The following ZNF280A variants were observed in gnomAD, a reference collection of about 807,000 sequenced individuals.
ZNF280A encodes suppressor of hairy wing homolog 1.
In ZNF280A, 26 loss-of-function variants were observed where a neutral mutation model predicts 35.9. The ratio of observed to expected loss-of-function variants is 0.72; its 90% CI spans 0.53 to 1.01. ZNF280A has a LOEUF of 1.01. ZNF280A is among the 50% of genes least tolerant of loss of function. The probability of loss-of-function intolerance (pLI) is 0.00; values close to 1 mark genes in which losing one functional copy is unlikely to be tolerated. For missense variants in ZNF280A, 654 were observed against 652.0 expected, an observed-to-expected ratio of 1.00 and a Z score of -0.03; for synonymous variants, 231 against 232.9, an observed-to-expected ratio of 0.99 and a Z score of 0.07.
In ZNF280A at chr22:22,515,043, G is replaced by T. The variant is rs1430938368; in HGVS notation, c.588C>A (p.Val196=). ...GIPGVPSLAV[V]PSDMSSTIST... ...TTATTGTAGAAGACATATCTGAAGG[G>T]ACCACAGCTAAAGAAGGTACCCCTG... Residue 196 remains valine, a synonymous_variant, in exon 2 of 2, where the codon GTC becomes GTA. Coordinates refer to ENST00000302097, the MANE Select transcript of ZNF280A (RefSeq NM_080740.5). 8 of 1,613,894 alleles carry T rather than the reference G, an allele frequency of 5.0e-6. No individual in the cohort carries two copies. Among genetic ancestry groups the T allele is most frequent in the Non-Finnish European group, 6.8e-6 (8 of 1,179,962 alleles).
In ZNF280A at chr22:22,515,106, G is replaced by C. The variant is rs756827621; in HGVS notation, c.525C>G (p.Ser175Arg). The change falls in exon 2 of 2, where the codon AGC becomes AGG. Residue 175 changes from serine to arginine, a missense_variant. Coordinates refer to ENST00000302097, the MANE Select transcript of ZNF280A (RefSeq NM_080740.5). ...TGAGTTTAACCCTTTTGGAATCTCT[G>C]CTGTTTATATCTGAAGTGGAAAGTC... ...SKRLSTSDIN[S>R]RDSKRVKLRD... The C allele has an allele frequency of 2.5e-6, 4 of 1,613,890 alleles. No individual in the cohort carries two copies. Among genetic ancestry groups the C allele is most frequent in the Non-Finnish European group, 2.5e-6 (3 of 1,179,982 alleles).
chr22:22,516,203 C>T (rs900984164), intron 1 of ZNF280A, among the ~76,000 whole-genome samples: 2 of 151,676 alleles, frequency 1.3e-5, no homozygotes, highest in Non-Finnish European at 2.9e-5. Flanking sequence ...AACACTTGAG[C>T]CCAGGACTTC....
In ZNF280A at chr22:22,514,751, T is replaced by A. The variant is rs770122812; in HGVS notation, c.880A>T (p.Thr294Ser). 3 of 1,613,786 alleles carry A rather than the reference T, an allele frequency of 1.9e-6. No individual in the cohort carries two copies. The highest frequency in any genetic ancestry group is 2.5e-6 in the Non-Finnish European group (3 of 1,179,982). ...CTGAGGCATTTAAAGGTGGTGTGAGTCTTCTGTTCCGGCTGCCCATCTCCT... is the reference window on the plus strand; with the variant it reads ...CTGAGGCATTTAAAGGTGGTGTGAGACTTCTGTTCCGGCTGCCCATCTCCT... Reference protein sequence around the residue: ...HKGDGQPEQKTHTTFKCLSCV... With the variant: ...HKGDGQPEQKSHTTFKCLSCV... Residue 294 changes from threonine (T) to serine (S), a missense_variant, in exon 2 of 2, where the codon ACT becomes TCT. Transcript: ENST00000302097.
chr22:22,515,508 A>T lies in ZNF280A; in HGVS notation c.123T>A (p.His41Gln). Reference protein sequence around the residue: ...DLIYVGVEHVHRDAEVLFVGM... With the variant: ...DLIYVGVEHVQRDAEVLFVGM... Reference sequence around the variant, plus strand: ...CGACAAAGAGAACTTCAGCATCTCTATGTACATGCTCCACCCCAACATAGA... The same window carrying T: ...CGACAAAGAGAACTTCAGCATCTCTTTGTACATGCTCCACCCCAACATAGA... The change falls in exon 2 of 2, where the codon CAT (histidine) becomes CAA (glutamine). Residue 41 changes from histidine to glutamine, a missense_variant. Coordinates refer to ENST00000302097, the MANE Select transcript of ZNF280A (RefSeq NM_080740.5). 5 of 1,613,900 alleles carry T rather than the reference A, an allele frequency of 3.1e-6. No homozygotes were observed. Among genetic ancestry groups the T allele is most frequent in the Non-Finnish European group, 4.2e-6 (5 of 1,179,964 alleles).
chr22:22,519,497 C>A (rs1342761576), intron 1 of ZNF280A, among the ~76,000 whole-genome samples: 1 of 151,938 alleles, frequency 6.6e-6, no homozygotes, highest in African/African-American at 2.4e-5. Flanking sequence ...GACAAAATAT[C>A]TTTATGTACT....
In ZNF280A at chr22:22,515,656, C is replaced by T; in HGVS notation, c.-26G>A. 5 of 1,548,730 alleles carry T rather than the reference C, an allele frequency of 3.2e-6. No homozygotes were observed. The highest frequency in any genetic ancestry group is 4.3e-6 in the Non-Finnish European group (5 of 1,151,772). On this transcript the variant is annotated 5_prime_UTR_variant, in exon 2 of 2. Coordinates refer to ENST00000302097, the MANE Select transcript of ZNF280A (RefSeq NM_080740.5). ...TTTCAATTTACTTTTTGCTTGAAGC[C>T]ACTGGTCTCTTCAACTTCCAGAGCT... is the stretch of plus-strand genomic sequence containing the variant.
rs361778 is a variant in ZNF280A, at chr22:22,513,766, G to A, written c.*236C>T. The A allele has an allele frequency of 0.38, 165,865 of 440,498 alleles. 35,601 individuals are homozygous for A. The highest frequency in any genetic ancestry group is 0.7 in the African/African-American group (34,133 of 48,986). The allele number at this position is 440,498 out of a possible 1,614,324, so 27.3% of individuals were successfully genotyped here. ...GTGATTCCATTTATTTAAAGTTCAT[G>A]AACAAGAAAAACCTCTGAGGTCAGA... On this transcript the variant is annotated 3_prime_UTR_variant, in exon 2 of 2. Transcript: ENST00000302097.
chr22:22,515,320 G>T lies in ZNF280A; in HGVS notation c.311C>A (p.Ser104Tyr). Reference sequence around the variant, plus strand: ...ATCTGTCGATCGCCCCTCAGACAGAGAAACCGGCATGATGGCTTTTGCCAT... The same window carrying T: ...ATCTGTCGATCGCCCCTCAGACAGATAAACCGGCATGATGGCTTTTGCCAT... ...TSMAKAIMPV[S>Y]LSEGRSTDSP... Residue 104 changes from serine (S) to tyrosine (Y), a missense_variant, in exon 2 of 2, where the codon TCT becomes TAT. By Grantham distance (144) the Ser-to-Tyr change is moderately radical. Coordinates refer to ENST00000302097, the MANE Select transcript of ZNF280A (RefSeq NM_080740.5). 3 of 1,613,896 alleles carry T rather than the reference G, an allele frequency of 1.9e-6. No individual in the cohort carries two copies. The highest frequency in any genetic ancestry group is 2.5e-6 in the Non-Finnish European group (3 of 1,179,968).
intron 1 of ZNF280A, 122 bp downstream of exon 1, chr22:22,519,967 A>G (rs2062121135): frequency 6.6e-6 from 1 of 152,080 alleles, no homozygotes; most frequent in Non-Finnish European, 1.5e-5. Flanking sequence ...AGGGAAGACT[A>G]CTGTAGTTGA....
chr22:22,516,709 T>C (rs769435274), intron 1 of ZNF280A, among the ~76,000 whole-genome samples: 29 of 152,092 alleles, frequency 1.9e-4, no homozygotes, highest in Admixed American at 1.4e-3. Context: ...GAACCTTAGG[T>C]CATCATCGCC....
In ZNF280A at chr22:22,514,593, G is replaced by A. The variant is rs573770580; in HGVS notation, c.1038C>T (p.Pro346=). Residue 346 remains proline (P), a synonymous_variant, in exon 2 of 2, where the codon CCC becomes CCT. Coordinates refer to ENST00000302097, the MANE Select transcript of ZNF280A (RefSeq NM_080740.5). ...CQHCHRQFPT[P]FQLQCHIDSV... is the part of the protein sequence containing the mutation. Reference sequence around the variant, plus strand: ...TATCAATGTGACACTGTAGCTGGAAGGGAGTGGGAAACTGCCGGTGGCAGT... The same window carrying A: ...TATCAATGTGACACTGTAGCTGGAAAGGAGTGGGAAACTGCCGGTGGCAGT... The A allele has an allele frequency of 6.2e-6, 10 of 1,613,962 alleles. No homozygotes were observed. Among genetic ancestry groups the A allele is most frequent in the South Asian group, 2.2e-5 (2 of 91,078 alleles).
chr22:22,516,461 T>C (rs941373897), intron 1 of ZNF280A, among the ~76,000 whole-genome samples: 1 of 151,916 alleles, frequency 6.6e-6, no homozygotes, highest in African/African-American at 2.4e-5. Context: ...TTTAAAGATA[T>C]CCAGAATCTG....
chr22:22,517,925 C>CTT lies in ZNF280A; in HGVS notation c.-72+2162_-72+2163dup, dbSNP rs1335980616. On this transcript the variant is annotated intron_variant, in intron 1 of 1. Coordinates refer to ENST00000302097, the MANE Select transcript of ZNF280A (RefSeq NM_080740.5). ...ATGTATCTTTTATAATTGATGGCAT[C>CTT]TTTTTTTTTTTTTTTTTGAGATGGA... Among the ~76,000 whole-genome samples, 38 of 127,868 alleles carry CTT rather than the reference C, an allele frequency of 3.0e-4. 1 individual carries two copies. Among genetic ancestry groups the CTT allele is most frequent in the African/African-American group, 5.8e-4 (20 of 34,194 alleles). The allele number at this position is 127,868 out of a possible 152,430, so 83.9% of individuals were successfully genotyped here.
chr22:22,517,201 G>A (rs2062082585), intron 1 of ZNF280A, among the ~76,000 whole-genome samples: 1 of 151,832 alleles, frequency 6.6e-6, no homozygotes, highest in Non-Finnish European at 1.5e-5. Context: ...GAGGTCAGGA[G>A]CTCGAGACCA....
At chr22:22,517,048 A>C (rs361843) in intron 1 of ZNF280A, among the ~76,000 whole-genome samples, 82,477 of 151,230 alleles carry the variant, frequency 0.55, 24,894 homozygotes, top group African/African-American at 0.81. Context: ...TTACAGTGAG[A>C]TATATCATGT....
chr22:22,516,609 A>G (rs953884454), intron 1 of ZNF280A, among the ~76,000 whole-genome samples: 7 of 151,880 alleles, frequency 4.6e-5, no homozygotes, highest in Non-Finnish European at 1.0e-4. Flanking sequence ...GTTAAAATAT[A>G]CAGGGGAGCA....
In ZNF280A at chr22:22,514,567, C is replaced by T. The variant is rs1425211730; in HGVS notation, c.1064G>A (p.Ser355Asn). The change falls in exon 2 of 2, where the codon AGT becomes AAT. Residue 355 changes from serine (S) to asparagine (N), a missense_variant. Coordinates refer to ENST00000302097, the MANE Select transcript of ZNF280A (RefSeq NM_080740.5). The stretch of plus-strand genomic sequence containing the variant: ...AGAGGGCCCCATGGCGATGTGTACA[C>T]TATCAATGTGACACTGTAGCTGGAA... Reference protein sequence around the residue: ...TPFQLQCHIDSVHIAMGPSAV... With the variant: ...TPFQLQCHIDNVHIAMGPSAV... The T allele has an allele frequency of 2.5e-6, 4 of 1,613,950 alleles. No homozygotes were observed. The highest frequency in any genetic ancestry group is 3.4e-6 in the Non-Finnish European group (4 of 1,179,992).
chr22:22,516,976 G>A (rs1183030847), intron 1 of ZNF280A, among the ~76,000 whole-genome samples: 1 of 151,782 alleles, frequency 6.6e-6, no homozygotes, highest in Non-Finnish European at 1.5e-5. Context: ...TTTCAACTTA[G>A]CATTTATCAC....
At chr22:22,520,044 A>G (rs533363715) in intron 1 of ZNF280A, 45 bp downstream of exon 1, 22 of 152,094 alleles carry the variant, frequency 1.4e-4, no homozygotes, top group Admixed American at 5.9e-4. Context: ...TGCCAGCTCT[A>G]GTTTTAGAGG....
Sources: gnomAD v4.1 joint callset for allele counts (sites outside exome capture counted in the v4.1 genomes callset) on GRCh38, gnomAD v4.1.1 for gene constraint, MANE v1.5 for transcripts, NCBI Gene and HGNC (gene_info 2026-07-23, HGNC 2026-07-21) for gene names.